MMP2: variants seen among roughly 807,000 people sequenced by gnomAD.
MMP2 encodes the protein matrix metallopeptidase 2, also known as 72 kDa type IV collagenase.
Under a neutral mutation model 74.8 loss-of-function variants are expected in MMP2, and 39 were observed. The observed-to-expected ratio is 0.52, with a 90% CI of 0.40 to 0.68. The LOEUF is 0.68. Ranked by LOEUF, MMP2 falls within the 30% of genes least tolerant of loss-of-function variation. The pLI is 0.00. For missense variants in MMP2, 803 were observed against 878.3 expected (o/e 0.91, Z 1.08); for synonymous variants, 367 against 339.8 (o/e 1.08, Z -0.88).
Position 55,489,725 on chromosome 16 carries a change from G to T in MMP2, c.1081G>T (p.Glu361Ter), listed in dbSNP as rs1962353336. The stretch of plus-strand genomic sequence containing the variant: ...CTTCACTTTCCTGGGCAACAAATAT[G>T]AGAGCTGCACCAGCGCCGGCCGCAG... ...FPFTFLGNKY[E>*]SCTSAGRSDG... The change falls in exon 7 of 13, where the codon GAG (glutamate) becomes TAG (stop). Residue 361 changes from glutamate (E) to a stop codon, truncating the protein, a stop_gained. Coordinates refer to ENST00000219070, the MANE Select transcript of MMP2 (RefSeq NM_004530.6). LOFTEE classifies it high-confidence loss of function. 3 of 1,614,038 alleles carry T rather than the reference G, an allele frequency of 1.9e-6. No individual in the cohort carries two copies. Among genetic ancestry groups the T allele is most frequent in the Admixed American group, 1.7e-5 (1 of 60,004 alleles).
At chr16:55,487,500 C>T (rs370507734) in intron 5 of MMP2, 1 of 152,246 alleles carries the variant, frequency 6.6e-6, no homozygotes, top group African/African-American at 2.4e-5. Flanking sequence ...AGGACAAGGT[C>T]TTTTGGTAGA....
rs1962549747 is a variant in MMP2 at position 55,497,075 on chromosome 16, C to T, written c.1609+13C>T. 3 of 1,613,928 alleles carry T rather than the reference C, an allele frequency of 1.9e-6. No homozygotes were observed. The highest frequency in any genetic ancestry group is 2.5e-6 in the Non-Finnish European group (3 of 1,180,028). On this transcript the variant is annotated intron_variant, in intron 10 of 12. Transcript: ENST00000219070. ...GTGTTCTTTGCAGGTGTGTGGGAAG[C>T]ACCCTTCCTTGGCCCTCAGCTCCAC...
chr16:55,498,694 G>A (rs1215211556), intron 11 of MMP2, among the ~76,000 whole-genome samples: 2 of 152,128 alleles, frequency 1.3e-5, no homozygotes, highest in African/African-American at 4.8e-5. Context: ...CTTTTGATTG[G>A]CCCATGTCTG....
At chr16:55,496,784 T>C in intron 9 of MMP2, 142 bp from the exon 10 acceptor site, 1 of 1,173,756 alleles carries the variant, frequency 8.5e-7, no homozygotes, top group Non-Finnish European at 1.2e-6. Flanking sequence ...CCAGTCCTTC[T>C]CCAACCTTCC....
chr16:55,502,369 G>A (rs1488151129), intron 11 of MMP2, among the ~76,000 whole-genome samples: 1 of 152,170 alleles, frequency 6.6e-6, no homozygotes, highest in African/African-American at 2.4e-5. Context: ...ATATTTATGA[G>A]ACATGGGGAT....
At chr16:55,497,494 A>G (rs1962559630) in intron 10 of MMP2, among the ~76,000 whole-genome samples, 2 of 152,230 alleles carry the variant, frequency 1.3e-5, no homozygotes, top group African/African-American at 4.8e-5. Context: ...GCAGTTAGTT[A>G]TAATAGTGTG....
chr16:55,501,621 T>C (rs897085376), intron 11 of MMP2, among the ~76,000 whole-genome samples: 6 of 152,150 alleles, frequency 3.9e-5, no homozygotes, highest in Non-Finnish European at 7.4e-5. Context: ...GCACCTGGGA[T>C]TAAGGAAGGC....
chr16:55,491,990 T>C, intron 8 of MMP2, 34 bp downstream of exon 8: 3 of 1,305,580 alleles, frequency 2.3e-6, no homozygotes, highest in Non-Finnish European at 3.1e-6. Context: ...GGGTGGAGGG[T>C]GAGGAGGGGG....
At chr16:55,501,632 G>A (rs1307140727) in intron 11 of MMP2, among the ~76,000 whole-genome samples, 23 of 152,278 alleles carry the variant, frequency 1.5e-4, no homozygotes, top group Middle Eastern at 3.4e-3. Context: ...TAAGGAAGGC[G>A]TTAGTTCTTC....
intron 12 of MMP2, among the ~76,000 whole-genome samples, chr16:55,504,931 C>A (rs558423681): frequency 6.6e-6 from 1 of 151,228 alleles, no homozygotes; most frequent in Admixed American, 6.6e-5. Flanking sequence ...GGATTACAGG[C>A]GTGAGCCACC....
intron 1 of MMP2, 148 bp downstream of exon 1, chr16:55,479,780 ATTG>A (rs1962051178): frequency 1.1e-5 from 11 of 989,004 alleles, no homozygotes; most frequent in Non-Finnish European, 1.7e-5. Context: ...TTGGCAAGCT[ATTG>A]GAGTGATCTC....
At chr16:55,484,714 A>G (rs1417617423) in intron 3 of MMP2, among the ~76,000 whole-genome samples, 1 of 152,202 alleles carries the variant, frequency 6.6e-6, no homozygotes, top group Non-Finnish European at 1.5e-5. Flanking sequence ...ACCTGGGGCC[A>G]GGTGGCCATG....
intron 11 of MMP2, among the ~76,000 whole-genome samples, chr16:55,499,799 A>G (rs1187919703): frequency 1.3e-5 from 2 of 152,152 alleles, no homozygotes; most frequent in Non-Finnish European, 2.9e-5. Context: ...CTGCCAGTCC[A>G]TTTGATTAGT....
intron 9 of MMP2, among the ~76,000 whole-genome samples, chr16:55,495,131 T>C (rs1962500940): frequency 6.6e-6 from 1 of 152,184 alleles, no homozygotes; most frequent in South Asian, 2.1e-4. Context: ...ACTTAGAATG[T>C]AGTGAGAAAT....
intron 2 of MMP2, among the ~76,000 whole-genome samples, 162 bp from the exon 3 acceptor site, chr16:55,483,854 A>G (rs1197265264): frequency 1.6e-4 from 25 of 152,154 alleles, no homozygotes; most frequent in Admixed American, 1.5e-3. Context: ...ACATATACAT[A>G]CACATACCTG....
chr16:55,482,937 C>G lies in MMP2; in HGVS notation c.182C>G (p.Pro61Arg). The G allele has an allele frequency of 6.2e-7, 1 of 1,614,142 alleles. No individual in the cohort carries two copies. Among genetic ancestry groups the G allele is most frequent in the Non-Finnish European group, 8.5e-7 (1 of 1,180,030 alleles). ...TACCTGAACACCTTCTATGGCTGCC[C>G]CAAGGAGAGCTGCAACCTGTTTGTG... ...VQYLNTFYGC[P>R]KESCNLFVLK... is the part of the protein sequence containing the mutation. The change falls in exon 2 of 13, where the codon CCC becomes CGC. Residue 61 changes from proline to arginine, a missense_variant. Transcript: ENST00000219070.
At chr16:55,481,763 G>A in intron 1 of MMP2, 1 of 706,204 alleles carries the variant, frequency 1.4e-6, no homozygotes, top group Non-Finnish European at 2.6e-6. Context: ...GAACCAACCA[G>A]CTGGCCTAGT....
At chr16:55,486,334 T>TGTGTGTGTGC (rs1318624600) in intron 5 of MMP2, among the ~76,000 whole-genome samples, 2 of 134,120 alleles carry the variant, frequency 1.5e-5, no homozygotes, top group Admixed American at 7.5e-5. Context: ...TGTGTGTGTG[T>TGTGTGTGTGC]GTGTGTGTGT....
chr16:55,484,770 T>C (rs571790569), intron 3 of MMP2, among the ~76,000 whole-genome samples: 7 of 152,320 alleles, frequency 4.6e-5, no homozygotes, highest in Admixed American at 1.3e-4. Context: ...CATAAAGGTA[T>C]GTGGTATAGA....
Sources: allele counts gnomAD v4.1 joint callset (sites outside exome capture counted in the v4.1 genomes callset), GRCh38; gene constraint gnomAD v4.1.1; transcripts MANE v1.5; gene names NCBI Gene and HGNC (gene_info 2026-07-23, HGNC 2026-07-21).